NGF: variants seen among roughly 807,000 people sequenced by gnomAD.
NGF encodes beta-nerve growth factor.
In NGF, 4 loss-of-function variants were observed where a neutral mutation model predicts 12.8. The observed-to-expected ratio is 0.31, with a 90% CI of 0.15 to 0.72. The LOEUF (loss-of-function observed/expected upper bound fraction) is 0.72. NGF is among the 30% of genes least tolerant of loss of function. The pLI, the probability that NGF is intolerant of heterozygous loss-of-function variation, is 0.69. For missense variants in NGF, 283 were observed against 330.8 expected (o/e 0.86, Z 1.12); for synonymous variants, 140 against 130.0 (o/e 1.08, Z -0.52).
intron 2 of NGF, among the ~76,000 whole-genome samples, chr1:115,288,356 C>T (rs1052041461): frequency 2.0e-5 from 3 of 152,146 alleles, no homozygotes; most frequent in Admixed American, 6.5e-5. Context: ...AGAGCCTTAG[C>T]GTTCCCATTG....
chr1:115,318,460 C>T (rs1654529143), intron 1 of NGF, among the ~76,000 whole-genome samples: 1 of 152,144 alleles, frequency 6.6e-6, no homozygotes. Context: ...AAAGGAGTAG[C>T]ATGTGAGCTG....
At chr1:115,319,104 C>G (rs555063032) in intron 1 of NGF, among the ~76,000 whole-genome samples, 1 of 152,338 alleles carries the variant, frequency 6.6e-6, no homozygotes, top group Admixed American at 6.5e-5. Flanking sequence ...TAAGTGGTTG[C>G]GTTCCACAGT....
At chr1:115,296,330 C>T (rs2101028538) in intron 1 of NGF, among the ~76,000 whole-genome samples, 1 of 152,318 alleles carries the variant, frequency 6.6e-6, no homozygotes, top group South Asian at 2.1e-4. Flanking sequence ...CAAAAAGCCT[C>T]CGCTTTTAAT....
intron 1 of NGF, among the ~76,000 whole-genome samples, chr1:115,332,697 T>C (rs1654954897): frequency 6.6e-6 from 1 of 152,132 alleles, no homozygotes; most frequent in South Asian, 2.1e-4. Flanking sequence ...ACTACTAATA[T>C]CTTTGTCTTA....
intron 1 of NGF, among the ~76,000 whole-genome samples, chr1:115,337,775 C>T (rs990191091): frequency 6.6e-6 from 1 of 152,046 alleles, no homozygotes; most frequent in Non-Finnish European, 1.5e-5. Context: ...TGCGCTCCCC[C>T]CGCGGTGCTG....
intron 1 of NGF, among the ~76,000 whole-genome samples, chr1:115,312,235 G>T (rs1654353727): frequency 6.6e-6 from 1 of 151,998 alleles, no homozygotes; most frequent in Non-Finnish European, 1.5e-5. Context: ...TAATTTTGTA[G>T]GCACAAGATT....
intron 1 of NGF, among the ~76,000 whole-genome samples, chr1:115,314,719 A>C (rs1654427331): frequency 6.6e-6 from 1 of 152,220 alleles, no homozygotes; most frequent in Non-Finnish European, 1.5e-5. Flanking sequence ...GATATTGAGC[A>C]ACTATTATGC....
intron 1 of NGF, among the ~76,000 whole-genome samples, chr1:115,314,630 G>A (rs12145726): frequency 0.51 from 77,064 of 151,952 alleles, 21,645 homozygotes; most frequent in Non-Finnish European, 0.64. Context: ...GCCTAGTAGG[G>A]GTTAATAGAT....
intron 1 of NGF, among the ~76,000 whole-genome samples, chr1:115,333,748 T>C (rs11579133): frequency 1.8e-4 from 20 of 108,820 alleles, no homozygotes; most frequent in Non-Finnish European, 2.6e-4. Flanking sequence ...CTTTCTTCCT[T>C]CCTCCCTCCC....
intron 1 of NGF, among the ~76,000 whole-genome samples, chr1:115,320,817 G>A (rs1038871125): frequency 3.9e-5 from 6 of 152,214 alleles, no homozygotes; most frequent in African/African-American, 1.2e-4. Flanking sequence ...GGAGGTGGAA[G>A]CCCTAATTTG....
At chr1:115,310,671 A>T (rs1202931375) in intron 1 of NGF, among the ~76,000 whole-genome samples, 1 of 152,162 alleles carries the variant, frequency 6.6e-6, no homozygotes, top group South Asian at 2.1e-4. Context: ...TTGGGCATGA[A>T]ATGCTAAGGG....
At chr1:115,327,781 G>A (rs951726794) in intron 1 of NGF, among the ~76,000 whole-genome samples, 4 of 152,202 alleles carry the variant, frequency 2.6e-5, no homozygotes, top group Non-Finnish European at 5.9e-5. Context: ...GTCCACTCCA[G>A]CTCCCTGGTG....
intron 1 of NGF, among the ~76,000 whole-genome samples, chr1:115,315,197 T>G (rs1571088114): frequency 6.6e-6 from 1 of 152,180 alleles, no homozygotes; most frequent in African/African-American, 2.4e-5. Context: ...TCTATGGAGA[T>G]GGGAAGCCAT....
At chr1:115,334,334 G>A (rs1448676035) in intron 1 of NGF, among the ~76,000 whole-genome samples, 1 of 152,142 alleles carries the variant, frequency 6.6e-6, no homozygotes, top group Non-Finnish European at 1.5e-5. Flanking sequence ...TCCTCCCAGT[G>A]CTGCAGACTC....
chr1:115,293,947 C>A (rs918985982), intron 1 of NGF, among the ~76,000 whole-genome samples, 197 bp from the exon 2 acceptor site: 6 of 152,232 alleles, frequency 3.9e-5, no homozygotes, highest in South Asian at 2.1e-4. Context: ...CCTGTGGTGG[C>A]ACCTGCCTCT....
intron 1 of NGF, among the ~76,000 whole-genome samples, chr1:115,294,997 A>G (rs1653818790): frequency 6.6e-6 from 1 of 152,198 alleles, no homozygotes; most frequent in South Asian, 2.1e-4. Flanking sequence ...ATGCCCTCCC[A>G]ATAAAGTTCT....
chr1:115,316,008 A>T (rs1654468206), intron 1 of NGF, among the ~76,000 whole-genome samples: 1 of 152,196 alleles, frequency 6.6e-6, no homozygotes, highest in Admixed American at 6.5e-5. Context: ...TTCATCAGGT[A>T]CCTACTATGC....
Position 115,330,362 on chromosome 1 carries a change from G to T in NGF, c.-137+7842C>A, listed in dbSNP as rs189024302. Among the ~76,000 whole-genome samples the T allele has an allele frequency of 1.3e-3, 193 of 152,300 alleles. 1 individual carries two copies. Among genetic ancestry groups the T allele is most frequent in the Non-Finnish European group, 6.8e-4 (46 of 68,006 alleles). ...GCAATTGATGTATGCTTTAGCAAAAGAAACTATTTTCTCTGTTTTCAGAAC... is the reference window on the plus strand; with the variant it reads ...GCAATTGATGTATGCTTTAGCAAAATAAACTATTTTCTCTGTTTTCAGAAC... On this transcript the variant is annotated intron_variant, in intron 1 of 2. Coordinates refer to ENST00000369512, the MANE Select transcript of NGF (RefSeq NM_002506.3).
chr1:115,293,053 T>G (rs866565825), intron 2 of NGF, among the ~76,000 whole-genome samples: 1 of 152,140 alleles, frequency 6.6e-6, no homozygotes, highest in South Asian at 2.1e-4. Context: ...TAATTATTAT[T>G]TATTGGGTAT....
Sources: gnomAD v4.1 joint callset for allele counts (sites outside exome capture counted in the v4.1 genomes callset) on GRCh38, gnomAD v4.1.1 for gene constraint, MANE v1.5 for transcripts, NCBI Gene and HGNC (gene_info 2026-07-23, HGNC 2026-07-21) for gene names.